Variants in CSTPP1 observed in about 807,000 individuals in gnomAD.
The protein encoded by CSTPP1 is UPF0705 protein C11orf49.
chr11:47,099,709 T>G, the CSTPP1 span, among the ~76,000 whole-genome samples: 5 of 152,248 alleles, frequency 3.3e-5, no homozygotes, highest in African/African-American at 1.2e-4. Context: ...TATTGCCTTA[T>G]TACACTGCTC....
chr11:46,950,298 C>T, the CSTPP1 span, among the ~76,000 whole-genome samples: 5 of 151,508 alleles, frequency 3.3e-5, no homozygotes, highest in South Asian at 2.1e-4. Flanking sequence ...CTCAGCCTCC[C>T]GAGTAGCTAG....
chr11:47,087,187 T>A, the CSTPP1 span, among the ~76,000 whole-genome samples: 1 of 152,176 alleles, frequency 6.6e-6, no homozygotes, highest in African/African-American at 2.4e-5. Flanking sequence ...CATAAGAGCA[T>A]TGATAGCAGG....
At chr11:47,013,712 T>C in the CSTPP1 span, among the ~76,000 whole-genome samples, 3 of 152,202 alleles carry the variant, frequency 2.0e-5, no homozygotes, top group African/African-American at 7.2e-5. Flanking sequence ...CATGCATGTA[T>C]CTTTACAATA....
chr11:47,025,166 T>C, the CSTPP1 span, among the ~76,000 whole-genome samples: 3 of 152,184 alleles, frequency 2.0e-5, no homozygotes, highest in African/African-American at 4.8e-5. Flanking sequence ...TTAAAAAATA[T>C]ACATGGATTT....
At chr11:47,091,867 C>G in the CSTPP1 span, among the ~76,000 whole-genome samples, 1 of 152,194 alleles carries the variant, frequency 6.6e-6, no homozygotes, top group Non-Finnish European at 1.5e-5. Flanking sequence ...AACTGATTCT[C>G]CCCTAGAACC....
the CSTPP1 span, among the ~76,000 whole-genome samples, chr11:47,152,476 G>C: frequency 1.3e-5 from 2 of 152,184 alleles, no homozygotes; most frequent in East Asian, 1.9e-4. Flanking sequence ...ATCTGTGGCT[G>C]AAAGAGGAAG....
At chr11:47,012,104 G>T in the CSTPP1 span, among the ~76,000 whole-genome samples, 1 of 148,660 alleles carries the variant, frequency 6.7e-6, no homozygotes, top group East Asian at 2.0e-4. Context: ...GCAGTACCTC[G>T]TTTAAAAAAA....
At chr11:47,078,318 T>C in the CSTPP1 span, among the ~76,000 whole-genome samples, 13 of 152,250 alleles carry the variant, frequency 8.5e-5, no homozygotes, top group East Asian at 1.9e-3. Flanking sequence ...GGAAGCAACG[T>C]TGAAGGAGTT....
chr11:46,979,579 G>C, the CSTPP1 span, among the ~76,000 whole-genome samples: 1 of 151,978 alleles, frequency 6.6e-6, no homozygotes. Flanking sequence ...TTTTGTTATG[G>C]TCAGCTAGCT....
chr11:47,136,655 T>C, the CSTPP1 span, among the ~76,000 whole-genome samples: 1 of 152,196 alleles, frequency 6.6e-6, no homozygotes, highest in African/African-American at 2.4e-5. Flanking sequence ...ACCAAGTGCC[T>C]GTGATCATCA....
the CSTPP1 span, among the ~76,000 whole-genome samples, chr11:47,086,232 TCCAAAAA>T: frequency 3.0e-3 from 96 of 31,762 alleles, 1 homozygote; most frequent in Middle Eastern, 0.042. Context: ...CTACTAAAAA[TCCAAAAA>T]AAAAAAAAAA....
the CSTPP1 span, chr11:46,987,191 T>G: frequency 6.2e-7 from 1 of 1,611,060 alleles, no homozygotes; most frequent in Non-Finnish European, 8.5e-7. Context: ...TCTTTCTCTC[T>G]TGCTATTTGA....
At chr11:46,975,595 GC>G in the CSTPP1 span, among the ~76,000 whole-genome samples, 1 of 152,076 alleles carries the variant, frequency 6.6e-6, no homozygotes, top group South Asian at 2.1e-4. Flanking sequence ...TTCAGTTGTT[GC>G]CATGATTTTG....
the CSTPP1 span, among the ~76,000 whole-genome samples, chr11:47,073,315 G>A: frequency 2.8e-4 from 42 of 152,114 alleles, no homozygotes; most frequent in Admixed American, 2.0e-3. Flanking sequence ...AATGTAATCC[G>A]GTGTCGGGAT....
At chr11:47,162,081 G>A in the CSTPP1 span, 10 of 988,442 alleles carry the variant, frequency 1.0e-5, no homozygotes, top group African/African-American at 1.7e-5. Context: ...AGTACCAGGA[G>A]GACATAACCG....
the CSTPP1 span, among the ~76,000 whole-genome samples, chr11:46,968,518 A>G: frequency 6.6e-6 from 1 of 151,182 alleles, no homozygotes; most frequent in African/African-American, 2.4e-5. Flanking sequence ...TACCCATAGG[A>G]GCACATTAGT....
At chr11:47,123,939 T>A in the CSTPP1 span, among the ~76,000 whole-genome samples, 1 of 151,266 alleles carries the variant, frequency 6.6e-6, no homozygotes, top group Non-Finnish European at 1.5e-5. Flanking sequence ...GTGACAAGAG[T>A]GACTCTGTCT....
At chr11:47,137,543 C>T in the CSTPP1 span, 1 of 1,579,110 alleles carries the variant, frequency 6.3e-7, no homozygotes, top group South Asian at 1.2e-5. Flanking sequence ...TTTAAAAGAA[C>T]AGCTCTACCA....
the CSTPP1 span, chr11:47,160,819 G>A: frequency 0.35 from 139,354 of 403,080 alleles, 26,313 homozygotes; most frequent in East Asian, 0.72. Context: ...GCCTCAAGAA[G>A]GAACTCAACT....
Sources: gnomAD v4.1 joint callset for allele counts (sites outside exome capture counted in the v4.1 genomes callset) on GRCh38, gnomAD v4.1.1 for gene constraint, MANE v1.5 for transcripts, NCBI Gene and HGNC (gene_info 2026-07-23, HGNC 2026-07-21) for gene names.